The following MEDAG variants were observed in gnomAD, a reference collection of about 807,000 sequenced individuals.
MEDAG encodes the protein mesenteric estrogen-dependent adipogenesis protein.
Under a neutral mutation model 29.9 loss-of-function variants are expected in MEDAG, and 25 were observed. The observed-to-expected ratio is 0.84, with a 90% CI of 0.61 to 1.17. The LOEUF is 1.17. MEDAG is among the 50% of genes most tolerant of loss of function. The probability of loss-of-function intolerance (pLI) is 0.00; values close to 1 mark genes in which losing one functional copy is unlikely to be tolerated. For synonymous variants in MEDAG, 158 were observed against 148.2 expected (o/e 1.07, Z -0.48); for missense variants, 398 against 372.9 (o/e 1.07, Z -0.56).
At position 30,925,435 on chromosome 13, in the gene MEDAG, G is replaced by T. The variant is rs1291746089; in HGVS notation, c.*1000G>T. ...GTAATTTTTTATCCTTTCTTAAAAA[G>T]TTTCTGTATTATGCATTTTGATAAC... On this transcript the variant is annotated 3_prime_UTR_variant, in exon 5 of 5. Transcript: ENST00000380482. 2 of 152,140 alleles carry T rather than the reference G, an allele frequency of 1.3e-5. No homozygotes were observed. Among genetic ancestry groups the T allele is most frequent in the African/African-American group, 4.8e-5 (2 of 41,444 alleles). 9.4% of individuals were successfully genotyped at this position (152,140 alleles called of 1,614,324 possible). A position where few individuals can be genotyped will look rare whatever the true frequency, so the allele number is the denominator to read the frequency against.
intron 3 of MEDAG, 90 bp downstream of exon 3, chr13:30,921,216 C>A: frequency 8.9e-7 from 1 of 1,121,922 alleles, no homozygotes; most frequent in Non-Finnish European, 1.3e-6. Context: ...ATTGCCCTGG[C>A]TTAGGCCAAG....
Position 30,921,698 on chromosome 13 carries a change from C to G in MEDAG, c.639C>G (p.Ser213=), listed in dbSNP as rs41433250. ...TCTATTGGTTTGGGCTCAGTAATTC[C>G]GTTGTAAAAGTAAATGGAAAAGTTC... The part of the protein sequence containing the change: ...DFFYWFGLSN[S]VVKVNGKVLN... The change falls in exon 4 of 5, where the codon TCC becomes TCG. Residue 213 remains serine, a synonymous_variant. Transcript: ENST00000380482. 1.1e-5 allele frequency: 17 copies of G among 1,613,926 alleles called. No homozygotes were observed. The highest frequency in any genetic ancestry group is 1.4e-5 in the Non-Finnish European group (16 of 1,179,976).
At position 30,925,166 on chromosome 13, in the gene MEDAG, G is replaced by C. The variant is rs1313942496; in HGVS notation, c.*731G>C. The C allele has an allele frequency of 6.6e-6, 1 of 152,160 alleles. No homozygotes were observed. The highest frequency in any genetic ancestry group is 1.5e-5 in the Non-Finnish European group (1 of 68,034). 9.4% of individuals were successfully genotyped at this position (152,160 alleles called of 1,614,324 possible). A position where few individuals can be genotyped will look rare whatever the true frequency, so the allele number is the denominator to read the frequency against. The stretch of plus-strand genomic sequence containing the variant: ...GAACAATGACAGGGGAAGGGTATTG[G>C]ACACGGCAGCGTCCTCCTTATTGAA... On this transcript the variant is annotated 3_prime_UTR_variant, in exon 5 of 5. Coordinates refer to ENST00000380482, the MANE Select transcript of MEDAG (RefSeq NM_032849.4).
intron 1 of MEDAG, among the ~76,000 whole-genome samples, chr13:30,911,219 G>A (rs1180973365): frequency 6.6e-6 from 1 of 152,132 alleles, no homozygotes; most frequent in Non-Finnish European, 1.5e-5. Context: ...CCACTCATGG[G>A]GTGCCTTTTT....
intron 1 of MEDAG, among the ~76,000 whole-genome samples, chr13:30,910,535 T>C (rs1012013189): frequency 3.9e-5 from 6 of 152,374 alleles, no homozygotes; most frequent in East Asian, 1.9e-4. Context: ...GGAGAACCTA[T>C]GCTTTCAGCA....
At chr13:30,919,710 T>C (rs1289474119) in intron 2 of MEDAG, among the ~76,000 whole-genome samples, 1 of 152,180 alleles carries the variant, frequency 6.6e-6, no homozygotes, top group Non-Finnish European at 1.5e-5. Context: ...AAGGTTTGTC[T>C]CTGAGATATC....
intron 4 of MEDAG, 182 bp downstream of exon 4, chr13:30,922,028 C>T: frequency 1.7e-6 from 1 of 601,766 alleles, no homozygotes; most frequent in Non-Finnish European, 2.7e-6. Context: ...AGTGACTTTT[C>T]CTTTTGAGCT....
Position 30,924,478 on chromosome 13 carries a change from G to A in MEDAG, c.*43G>A, listed in dbSNP as rs749266707. 38 of 1,589,722 alleles carry A rather than the reference G, an allele frequency of 2.4e-5. No individual in the cohort carries two copies. In the Admixed American group the frequency reaches 6.4e-4, roughly 27 times the overall value. ...GCAGTTGCTCCCGCACTCCAGGCCTGTGCTAGACTATAGGCTGGGGGGAGG... is the reference window on the plus strand; with the variant it reads ...GCAGTTGCTCCCGCACTCCAGGCCTATGCTAGACTATAGGCTGGGGGGAGG... On this transcript the variant is annotated 3_prime_UTR_variant, in exon 5 of 5. Transcript: ENST00000380482.
chr13:30,910,226 T>C (rs1031998992), intron 1 of MEDAG, among the ~76,000 whole-genome samples: 3 of 109,928 alleles, frequency 2.7e-5, no homozygotes, highest in Non-Finnish European at 6.1e-5. Flanking sequence ...ACATGTTTTT[T>C]CCTATAAAGC....
chr13:30,921,689 C>T lies in MEDAG; in HGVS notation c.630C>T (p.Leu210=). ...ALFDFFYWFG[L]SNSVVKVNGK... ...TTGATTTCTTCTATTGGTTTGGGCT[C>T]AGTAATTCCGTTGTAAAAGTAAATG... The change falls in exon 4 of 5, where the codon CTC becomes CTT. Residue 210 remains leucine (L), a synonymous_variant. Transcript: ENST00000380482. The T allele has an allele frequency of 6.2e-7, 1 of 1,614,024 alleles. No individual in the cohort carries two copies. Among genetic ancestry groups the T allele is most frequent in the Non-Finnish European group, 8.5e-7 (1 of 1,179,994 alleles).
At chr13:30,913,487 C>G (rs960026377) in intron 1 of MEDAG, among the ~76,000 whole-genome samples, 10 of 152,142 alleles carry the variant, frequency 6.6e-5, no homozygotes, top group African/African-American at 2.2e-4. Flanking sequence ...CCTGTCTTGA[C>G]CTCCCAAAGT....
chr13:30,917,503 A>G lies in MEDAG; in HGVS notation c.379A>G (p.Thr127Ala). The change falls in exon 2 of 5, where the codon ACC becomes GCC. Residue 127 changes from threonine (T) to alanine (A), a missense_variant. Physicochemically the swap from Thr to Ala is moderately conservative, Grantham distance 58 (BLOSUM62 0). Transcript: ENST00000380482. ...FFINVQTKKDTSKERTYAFLV... is the reference protein window; with the variant it reads ...FFINVQTKKDASKERTYAFLV... ...TATTAATGTACAGACCAAAAAAGAC[A>G]CCTCAAAAGGTAAGTATCTATATTA... is the stretch of plus-strand genomic sequence containing the variant. 3.2e-6 allele frequency: 5 copies of G among 1,568,074 alleles called. No individual in the cohort carries two copies. Among genetic ancestry groups the G allele is most frequent in the Non-Finnish European group, 4.4e-6 (5 of 1,138,636 alleles).
intron 1 of MEDAG, chr13:30,915,901 C>T (rs1952923642): frequency 6.6e-6 from 1 of 152,540 alleles, no homozygotes; most frequent in African/African-American, 2.4e-5. Flanking sequence ...CATCAACATC[C>T]ACACCCACCT....
intron 1 of MEDAG, among the ~76,000 whole-genome samples, chr13:30,912,195 G>A (rs1401145454): frequency 1.3e-5 from 2 of 152,188 alleles, no homozygotes; most frequent in African/African-American, 4.8e-5. Flanking sequence ...AATAATGTCT[G>A]TGTGAGCCAC....
intron 4 of MEDAG, chr13:30,922,785 C>T (rs1403999623): frequency 6.6e-6 from 1 of 152,190 alleles, no homozygotes; most frequent in African/African-American, 2.4e-5. Context: ...AGAGCAACTT[C>T]CCTGAGTCAG....
In MEDAG at chr13:30,906,621, C is replaced by T; in HGVS notation, c.106C>T (p.Pro36Ser). 7.6e-6 allele frequency: 12 copies of T among 1,584,144 alleles called. No homozygotes were observed. The highest frequency in any genetic ancestry group is 1.4e-5 in the African/African-American group (1 of 73,268). The change falls in exon 1 of 5, where the codon CCG becomes TCG. Residue 36 changes from proline to serine, a missense_variant. Physicochemically the swap from Pro to Ser is moderately conservative, Grantham distance 74 (BLOSUM62 -1). Coordinates refer to ENST00000380482, the MANE Select transcript of MEDAG (RefSeq NM_032849.4). ...CTGCGACTGCGAGCTGGCCCTGCTG[C>T]CGCTGGCTCAGCTGCTGCGCCTGCA... is the stretch of plus-strand genomic sequence containing the variant. ...WTCDCELALL[P>S]LAQLLRLQPG... is the part of the protein sequence containing the mutation.
At chr13:30,917,605 G>A (rs1272370727) in intron 2 of MEDAG, 93 bp downstream of exon 2, 1 of 718,364 alleles carries the variant, frequency 1.4e-6, no homozygotes, top group South Asian at 1.7e-5. Flanking sequence ...TTGGCTCACG[G>A]TTCTGCAGGC....
Position 30,906,481 on chromosome 13 carries a change from C to T in MEDAG, c.-35C>T. 6.9e-7 allele frequency: 1 copy of T among 1,447,500 alleles called. No individual in the cohort carries two copies. Among genetic ancestry groups the T allele is most frequent in the East Asian group, 2.7e-5 (1 of 36,990 alleles). The allele number at this position is 1,447,500 out of a possible 1,614,324, so 89.7% of individuals were successfully genotyped here. On this transcript the variant is annotated 5_prime_UTR_variant, in exon 1 of 5. The change creates a new upstream start codon in the 5' untranslated region. Transcript: ENST00000380482. The stretch of plus-strand genomic sequence containing the variant: ...CCGGCTGGGGGCTGTAGGCACCGGA[C>T]GGAAGCAGGCGGTGTGAGGACCGAC...
At chr13:30,922,276 A>G (rs1242887549) in intron 4 of MEDAG, 1 of 150,040 alleles carries the variant, frequency 6.7e-6, no homozygotes, top group African/African-American at 2.5e-5. Context: ...TTTTTTTGAA[A>G]CGGAGTTTCA....
Sources: gnomAD v4.1 joint callset for allele counts (sites outside exome capture counted in the v4.1 genomes callset) on GRCh38, gnomAD v4.1.1 for gene constraint, MANE v1.5 for transcripts, NCBI Gene and HGNC (gene_info 2026-07-23, HGNC 2026-07-21) for gene names.